CAST: variants seen among roughly 807,000 people sequenced by gnomAD.
CAST encodes the protein MIR583 host.
CAST carries 76 observed loss-of-function variants against 119.6 expected under a neutral mutation model. That is an observed-to-expected ratio of 0.64 (90% CI 0.53 to 0.77). The LOEUF (loss-of-function observed/expected upper bound fraction) is 0.77. Among genes scored for constraint, CAST ranks in the 30% least tolerant of loss-of-function variants. The pLI is 0.00. For missense variants in CAST, 953 were observed against 946.5 expected, an observed-to-expected ratio of 1.01 and a Z score of -0.09; for synonymous variants, 319 against 331.6, an observed-to-expected ratio of 0.96 and a Z score of 0.41.
chr5:96,601,315 G>A (rs1238305394), intron 1 of CAST, among the ~76,000 whole-genome samples: 2 of 152,166 alleles, frequency 1.3e-5, no homozygotes, highest in South Asian at 2.1e-4. Flanking sequence ...TTCGTTTTTC[G>A]CCTAACAGAA....
the CAST span, among the ~76,000 whole-genome samples, chr5:96,358,470 T>G: frequency 2.4e-3 from 365 of 152,314 alleles, 1 homozygote; most frequent in African/African-American, 8.5e-3. Context: ...GGGCATTTAG[T>G]GCTATAAATT....
At chr5:96,174,152 A>G in the CAST span, among the ~76,000 whole-genome samples, 1 of 152,122 alleles carries the variant, frequency 6.6e-6, no homozygotes, top group African/African-American at 2.4e-5. Context: ...TCCTCCTATC[A>G]AGCACAACAT....
At chr5:96,384,679 A>T in the CAST span, among the ~76,000 whole-genome samples, 1 of 152,186 alleles carries the variant, frequency 6.6e-6, no homozygotes, top group South Asian at 2.1e-4. Context: ...CTTGCTTCTG[A>T]TGGAACCCAG....
chr5:96,631,063 C>T (rs764217104), intron 1 of CAST: 1 of 140,618 alleles, frequency 7.1e-6, no homozygotes. Context: ...TTCACAGGAG[C>T]CTTCCTTTCT....
the CAST span, among the ~76,000 whole-genome samples, chr5:96,316,895 G>C: frequency 6.6e-6 from 1 of 152,170 alleles, no homozygotes; most frequent in Non-Finnish European, 1.5e-5. Flanking sequence ...CTCAAATTAA[G>C]TCTTTTGTTT....
At chr5:96,292,247 C>T in the CAST span, among the ~76,000 whole-genome samples, 1 of 152,146 alleles carries the variant, frequency 6.6e-6, no homozygotes, top group African/African-American at 2.4e-5. Context: ...TTAAACAGAG[C>T]TTCGAGACTT....
chr5:95,981,498 T>G, the CAST span, among the ~76,000 whole-genome samples: 1 of 152,244 alleles, frequency 6.6e-6, no homozygotes, highest in Non-Finnish European at 1.5e-5. Context: ...TCTAATTTAG[T>G]AGGTCTGAGG....
the CAST span, among the ~76,000 whole-genome samples, chr5:96,320,932 T>C: frequency 6.6e-6 from 1 of 152,192 alleles, no homozygotes; most frequent in East Asian, 1.9e-4. Flanking sequence ...ATTTAATATG[T>C]TAAAATAATT....
At chr5:96,644,940 C>T (rs35262218) in intron 1 of CAST, among the ~76,000 whole-genome samples, 5,486 of 152,290 alleles carry the variant, frequency 0.036, 308 homozygotes, top group East Asian at 0.21. Flanking sequence ...CGGGCCACTG[C>T]ACTCCAGCCT....
the CAST span, among the ~76,000 whole-genome samples, chr5:96,228,364 C>T: frequency 6.6e-6 from 1 of 152,162 alleles, no homozygotes; most frequent in African/African-American, 2.4e-5. Context: ...GATTAATCTG[C>T]CCAAGTTTAT....
At chr5:96,186,488 C>T in the CAST span, among the ~76,000 whole-genome samples, 3 of 152,058 alleles carry the variant, frequency 2.0e-5, no homozygotes, top group African/African-American at 7.2e-5. Flanking sequence ...GTGGGTTTGT[C>T]GTATATGACT....
chr5:96,524,225 G>C (rs181366966), upstream of CAST, among the ~76,000 whole-genome samples: 1 of 152,212 alleles, frequency 6.6e-6, no homozygotes, highest in African/African-American at 2.4e-5. Flanking sequence ...CCACTAAGCC[G>C]TGTGTTCCCA....
the CAST span, among the ~76,000 whole-genome samples, chr5:96,268,330 T>C: frequency 2.0e-5 from 3 of 152,094 alleles, no homozygotes; most frequent in Non-Finnish European, 4.4e-5. Flanking sequence ...CCCAGCACTT[T>C]AGGAGGCTCA....
chr5:96,635,668 C>A (rs376801463), intron 1 of CAST, among the ~76,000 whole-genome samples: 1 of 152,220 alleles, frequency 6.6e-6, no homozygotes, highest in African/African-American at 2.4e-5. Flanking sequence ...TGCATTTGTT[C>A]TGTCCTAGTG....
At chr5:96,393,196 T>C in the CAST span, 1 of 1,614,152 alleles carries the variant, frequency 6.2e-7, no homozygotes, top group Non-Finnish European at 8.5e-7. Flanking sequence ...GCTTTGCACT[T>C]GGGGACTTCT....
the CAST span, among the ~76,000 whole-genome samples, chr5:96,226,599 G>C: frequency 1.3e-5 from 2 of 152,166 alleles, no homozygotes; most frequent in African/African-American, 4.8e-5. Flanking sequence ...AGAGGTTGCA[G>C]TGAGCCAAGA....
chr5:96,171,061 G>A, the CAST span, among the ~76,000 whole-genome samples: 1 of 152,148 alleles, frequency 6.6e-6, no homozygotes, highest in African/African-American at 2.4e-5. Context: ...ACAGGTGGGA[G>A]GGAAAGAAGC....
chr5:96,581,797 A>G (rs1746773731), intron 1 of CAST, among the ~76,000 whole-genome samples: 1 of 152,158 alleles, frequency 6.6e-6, no homozygotes, highest in Non-Finnish European at 1.5e-5. Context: ...AGGCTGAGGC[A>G]GGAGAATGGT....
chr5:96,601,069 G>T (rs1443767486), intron 1 of CAST, among the ~76,000 whole-genome samples: 5 of 151,514 alleles, frequency 3.3e-5, no homozygotes, highest in African/African-American at 1.2e-4. Context: ...TTTCCCTTTG[G>T]TCTCCTTGTT....
Sources: gnomAD v4.1 joint callset for allele counts (sites outside exome capture counted in the v4.1 genomes callset) on GRCh38, gnomAD v4.1.1 for gene constraint, MANE v1.5 for transcripts, NCBI Gene and HGNC (gene_info 2026-07-23, HGNC 2026-07-21) for gene names.